Variants in BEND7 observed in about 807,000 individuals in gnomAD.
BEND7 encodes BEN domain-containing protein 7.
A neutral mutation model predicts 50.9 loss-of-function variants in BEND7; 28 were observed. The observed-to-expected ratio is 0.55, with a 90% confidence interval of 0.41 to 0.75. BEND7 has a LOEUF of 0.75. Among genes scored for constraint, BEND7 ranks in the 30% least tolerant of loss-of-function variants. BEND7 has a pLI of 0.00. For synonymous variants in BEND7, 170 were observed against 183.9 expected (o/e 0.92, Z 0.61); for missense variants, 477 against 491.3 (o/e 0.97, Z 0.28).
At chr10:13,455,929 G>A (rs891055746) in intron 6 of BEND7, among the ~76,000 whole-genome samples, 10 of 152,174 alleles carry the variant, frequency 6.6e-5, no homozygotes, top group African/African-American at 4.8e-5. Flanking sequence ...GACAGGCTAC[G>A]TGGTAGGGCT....
intron 6 of BEND7, 36 bp downstream of exon 6, chr10:13,480,863 A>C: frequency 6.2e-7 from 1 of 1,611,806 alleles, no homozygotes. Context: ...GGAAAGCTCA[A>C]CGAAGAACCC....
At position 13,481,097 on chromosome 10, in the gene BEND7, C is replaced by G; in HGVS notation, c.865G>C (p.Asp289His). 6.2e-7 allele frequency: 1 copy of G among 1,614,066 alleles called. No homozygotes were observed. Among genetic ancestry groups the G allele is most frequent in the Non-Finnish European group, 8.5e-7 (1 of 1,179,992 alleles). ...AGCTGAGATTTAGGCATAAACACGTCAAAGCCTTCAGCAAGTTGTACTTCT... is the reference window on the plus strand; with the variant it reads ...AGCTGAGATTTAGGCATAAACACGTGAAAGCCTTCAGCAAGTTGTACTTCT... ...DPEVQLAEGF[D>H]VFMPKSQLDS... Residue 289 changes from aspartate (D) to histidine (H), a missense_variant, in exon 6 of 9, where the codon GAC becomes CAC. Coordinates refer to ENST00000466271, the MANE Select transcript of BEND7 (RefSeq NM_001369863.1).
At chr10:13,507,135 T>C (rs2077955344) in intron 2 of BEND7, among the ~76,000 whole-genome samples, 1 of 152,156 alleles carries the variant, frequency 6.6e-6, no homozygotes, top group South Asian at 2.1e-4. Context: ...TATAGAGAGA[T>C]ATTAGATCTT....
intron 2 of BEND7, among the ~76,000 whole-genome samples, chr10:13,522,730 A>G (rs530043175): frequency 6.6e-6 from 1 of 152,192 alleles, no homozygotes; most frequent in South Asian, 2.1e-4. Flanking sequence ...CTGATCATTC[A>G]CATTTGTCAT....
intron 7 of BEND7, among the ~76,000 whole-genome samples, chr10:13,451,267 C>T (rs986467538): frequency 2.0e-5 from 3 of 151,750 alleles, no homozygotes; most frequent in African/African-American, 7.3e-5. Flanking sequence ...TCGCTCACTG[C>T]AGCCTCAAAC....
chr10:13,523,451 T>G (rs2132725884), intron 2 of BEND7, among the ~76,000 whole-genome samples: 1 of 152,342 alleles, frequency 6.6e-6, no homozygotes, highest in Middle Eastern at 3.4e-3. Flanking sequence ...AAGACTCTTT[T>G]TCACCTAGAA....
At chr10:13,490,827 G>A (rs190051742) in intron 5 of BEND7, among the ~76,000 whole-genome samples, 17 of 151,596 alleles carry the variant, frequency 1.1e-4, no homozygotes, top group African/African-American at 2.7e-4. Context: ...TTTTTGAGAC[G>A]GAATCTCCCT....
intron 6 of BEND7, among the ~76,000 whole-genome samples, chr10:13,477,334 A>G (rs2075526572): frequency 6.6e-6 from 1 of 152,232 alleles, no homozygotes; most frequent in Non-Finnish European, 1.5e-5. Context: ...GAAAGACTGT[A>G]TATTTAATAT....
Position 13,441,623 on chromosome 10 carries a change from C to A in BEND7, c.*120G>T. The A allele has an allele frequency of 1.3e-6, 2 of 1,566,956 alleles. No individual in the cohort carries two copies. Among genetic ancestry groups the A allele is most frequent in the Admixed American group, 2.0e-5 (1 of 51,102 alleles). Reference sequence around the variant, plus strand: ...ACATACTCATCCTATTTTAACACGGCGAAAGGTCACCAATTAATCTTCTCC... The same window carrying A: ...ACATACTCATCCTATTTTAACACGGAGAAAGGTCACCAATTAATCTTCTCC... On this transcript the variant is annotated 3_prime_UTR_variant, in exon 9 of 9. Transcript: ENST00000466271.
At chr10:13,489,453 G>A (rs894219612) in intron 5 of BEND7, among the ~76,000 whole-genome samples, 2 of 152,136 alleles carry the variant, frequency 1.3e-5, no homozygotes, top group Admixed American at 1.3e-4. Context: ...ACAGACCTGG[G>A]TTGCGGGACA....
At chr10:13,516,747 C>T (rs1019680429) in intron 2 of BEND7, among the ~76,000 whole-genome samples, 6 of 152,048 alleles carry the variant, frequency 3.9e-5, no homozygotes, top group Non-Finnish European at 5.9e-5. Context: ...AATTATTTAA[C>T]AAATACTTAT....
chr10:13,463,799 A>G (rs2073958150), intron 6 of BEND7, among the ~76,000 whole-genome samples: 2 of 152,358 alleles, frequency 1.3e-5, no homozygotes, highest in South Asian at 4.1e-4. Context: ...CTGGAAAATA[A>G]GGGGTGATAC....
At chr10:13,455,572 G>A (rs1273929142) in intron 6 of BEND7, among the ~76,000 whole-genome samples, 3 of 152,112 alleles carry the variant, frequency 2.0e-5, no homozygotes, top group African/African-American at 4.8e-5. Context: ...TGGGTGTGAC[G>A]TGCAGGCTGA....
At chr10:13,520,553 C>T (rs913819260) in intron 2 of BEND7, among the ~76,000 whole-genome samples, 3 of 152,088 alleles carry the variant, frequency 2.0e-5, no homozygotes, top group Non-Finnish European at 4.4e-5. Flanking sequence ...TGAGAAGTTA[C>T]GTACTGAGAT....
intron 6 of BEND7, among the ~76,000 whole-genome samples, chr10:13,456,048 G>T (rs1194182929): frequency 2.0e-5 from 3 of 152,122 alleles, no homozygotes; most frequent in African/African-American, 4.8e-5. Flanking sequence ...GGACAGTTTT[G>T]GCAGAAGAAC....
At chr10:13,466,526 T>C (rs1269025515) in intron 6 of BEND7, among the ~76,000 whole-genome samples, 4 of 151,596 alleles carry the variant, frequency 2.6e-5, no homozygotes, top group African/African-American at 9.7e-5. Context: ...ACCACTGCAG[T>C]CCAGTCTGGG....
intron 2 of BEND7, among the ~76,000 whole-genome samples, chr10:13,505,102 C>T (rs2077774821): frequency 6.6e-6 from 1 of 152,234 alleles, no homozygotes; most frequent in African/African-American, 2.4e-5. Flanking sequence ...TTTTGTGTTG[C>T]CTTGGCATCC....
chr10:13,441,913 T>A, intron 8 of BEND7, 163 bp from the exon 9 acceptor site: 1 of 683,766 alleles, frequency 1.5e-6, no homozygotes, highest in South Asian at 2.0e-5. Flanking sequence ...GTAACTTGTC[T>A]AGTAGTTAGA....
intron 7 of BEND7, among the ~76,000 whole-genome samples, chr10:13,447,612 C>T (rs1472571050): frequency 4.4e-5 from 6 of 137,910 alleles, no homozygotes; most frequent in Admixed American, 8.0e-5. Flanking sequence ...GGCGCGATCT[C>T]GGCTCACTAC....
Sources: allele counts gnomAD v4.1 joint callset (sites outside exome capture counted in the v4.1 genomes callset), GRCh38; gene constraint gnomAD v4.1.1; transcripts MANE v1.5; gene names NCBI Gene and HGNC (gene_info 2026-07-23, HGNC 2026-07-21).